SLAMF6: variants seen among roughly 807,000 people sequenced by gnomAD.
SLAMF6 encodes the protein NK-T-B-antigen.
In SLAMF6, 21 loss-of-function variants were observed where a neutral mutation model predicts 38.3. The observed-to-expected ratio is 0.55, with a 90% CI of 0.39 to 0.79. SLAMF6 has a LOEUF of 0.79. SLAMF6 is among the 30% of genes least tolerant of loss of function. The pLI, the probability that SLAMF6 is intolerant of heterozygous loss-of-function variation, is 0.00. For synonymous variants in SLAMF6, 152 were observed against 146.3 expected, an observed-to-expected ratio of 1.04 and a Z score of -0.28; for missense variants, 341 against 385.3, an observed-to-expected ratio of 0.89 and a Z score of 0.96.
intron 1 of SLAMF6, among the ~76,000 whole-genome samples, chr1:160,501,371 T>C (rs918158207): frequency 2.6e-5 from 4 of 152,246 alleles, no homozygotes; most frequent in African/African-American, 9.6e-5. Flanking sequence ...GTATCACTAT[T>C]GCAGTTATAC....
Position 160,517,581 on chromosome 1 carries a change from T to C in SLAMF6, c.49+5563A>G, listed in dbSNP as rs1312877702. Among the ~76,000 whole-genome samples the C allele has an allele frequency of 2.0e-5, 3 of 152,220 alleles. No homozygotes were observed. In the East Asian group the frequency reaches 5.8e-4, roughly 29 times the overall value. ...ATGTTCATTGCAGCACTATTCACAATAGCAAAGGCCTGGAATCAACCAAAA... is the reference window on the plus strand; with the variant it reads ...ATGTTCATTGCAGCACTATTCACAACAGCAAAGGCCTGGAATCAACCAAAA... On this transcript the variant is annotated intron_variant, in intron 1 of 7. Coordinates refer to ENST00000368057, the MANE Select transcript of SLAMF6 (RefSeq NM_001184714.2).
chr1:160,517,567 A>C (rs960225266), intron 1 of SLAMF6, among the ~76,000 whole-genome samples: 1 of 152,222 alleles, frequency 6.6e-6, no homozygotes, highest in African/African-American at 2.4e-5. Context: ...TGTTCATTGC[A>C]GCACTATTCA....
chr1:160,512,299 G>C (rs955852639), intron 1 of SLAMF6, among the ~76,000 whole-genome samples: 3 of 152,112 alleles, frequency 2.0e-5, no homozygotes, highest in Non-Finnish European at 4.4e-5. Context: ...CACTGAATGG[G>C]ACCTCCCTGT....
chr1:160,490,170 A>C (rs1171084941), intron 5 of SLAMF6, 28 bp downstream of exon 5: 1 of 1,612,300 alleles, frequency 6.2e-7, no homozygotes, highest in East Asian at 2.2e-5. Flanking sequence ...CTGCTTTATG[A>C]TGGAGAGTTA....
intron 2 of SLAMF6, among the ~76,000 whole-genome samples, chr1:160,494,710 C>T (rs888515643): frequency 1.8e-4 from 27 of 152,202 alleles, no homozygotes; most frequent in Admixed American, 9.2e-4. Context: ...TGGTGTGATG[C>T]AGCCACAAGC....
Position 160,491,357 on chromosome 1 carries a change from GTGAT to G in SLAMF6, c.410_413del (p.Asn137ThrfsTer8). 1 of 1,613,874 alleles carries G rather than the reference GTGAT, an allele frequency of 6.2e-7. No homozygotes were observed. The highest frequency in any genetic ancestry group is 8.5e-7 in the Non-Finnish European group (1 of 1,179,930). ...AGGTCATATTCTGAAATAGCTGACT[GTGAT>G]TGGTAACTTGTATGTTCCTCAGTTG... On this transcript the variant is annotated frameshift_variant, in exon 3 of 8. Coordinates refer to ENST00000368057, the MANE Select transcript of SLAMF6 (RefSeq NM_001184714.2). LOFTEE classifies it high-confidence loss of function.
In SLAMF6 at chr1:160,489,189, A is replaced by G; in HGVS notation, c.797-19T>C. The G allele has an allele frequency of 1.2e-6, 2 of 1,613,648 alleles. No homozygotes were observed. Among genetic ancestry groups the G allele is most frequent in the Non-Finnish European group, 1.7e-6 (2 of 1,179,646 alleles). ...GACTCTGCTGTTAACATAGGAAGGC[A>G]CAGTCAATGGCACAAGGACTCTGGG... On this transcript the variant is annotated intron_variant, in intron 5 of 7. Transcript: ENST00000368057.
chr1:160,500,707 T>C (rs1229676289), intron 1 of SLAMF6, among the ~76,000 whole-genome samples: 1 of 152,200 alleles, frequency 6.6e-6, no homozygotes, highest in Non-Finnish European at 1.5e-5. Context: ...TCTACTATTG[T>C]GAACATTCTT....
chr1:160,491,509 G>A, intron 2 of SLAMF6, 121 bp from the exon 3 acceptor site: 1 of 1,406,334 alleles, frequency 7.1e-7, no homozygotes, highest in South Asian at 1.4e-5. Context: ...ATGGTCTGTA[G>A]ACTCTGTAAA....
At position 160,487,102 on chromosome 1, in the gene SLAMF6, A is replaced by G. The variant is rs1235063716; in HGVS notation, c.951+2T>C. 1 of 1,608,794 alleles carries G rather than the reference A, an allele frequency of 6.2e-7. No individual in the cohort carries two copies. On this transcript the variant is annotated splice_donor_variant, in intron 7 of 7. Transcript: ENST00000368057. LOFTEE classifies it high-confidence loss of function. ...AAAAACATGGAGCAATCGTGGGCTT[A>G]CCTCTTTGGAATGATTAATTGTGGA... is the stretch of plus-strand genomic sequence containing the variant.
intron 1 of SLAMF6, among the ~76,000 whole-genome samples, chr1:160,511,344 A>T (rs535898766): frequency 6.6e-6 from 1 of 152,200 alleles, no homozygotes; most frequent in Non-Finnish European, 1.5e-5. Flanking sequence ...TAATCAAAAC[A>T]GTGTGGTACT....
At chr1:160,506,259 A>G (rs1654184746) in intron 1 of SLAMF6, among the ~76,000 whole-genome samples, 1 of 152,178 alleles carries the variant, frequency 6.6e-6, no homozygotes, top group African/African-American at 2.4e-5. Context: ...GAGAGTCTCA[A>G]ATGCAACAAG....
chr1:160,506,303 A>G (rs1049080610), intron 1 of SLAMF6, among the ~76,000 whole-genome samples: 1 of 152,190 alleles, frequency 6.6e-6, no homozygotes, highest in Non-Finnish European at 1.5e-5. Context: ...GTCATGCTCA[A>G]TAAAATCAAC....
At chr1:160,499,457 T>C (rs1441407346) in intron 1 of SLAMF6, among the ~76,000 whole-genome samples, 1 of 152,230 alleles carries the variant, frequency 6.6e-6, no homozygotes, top group Non-Finnish European at 1.5e-5. Context: ...TTTTGGTTAC[T>C]ATAGTCTTAT....
intron 1 of SLAMF6, among the ~76,000 whole-genome samples, chr1:160,518,156 A>C (rs1193331459): frequency 6.6e-6 from 1 of 152,172 alleles, no homozygotes; most frequent in East Asian, 1.9e-4. Context: ...CATGGAAAAA[A>C]GCTCAACATC....
At chr1:160,512,218 G>A (rs1654506601) in intron 1 of SLAMF6, among the ~76,000 whole-genome samples, 1 of 152,202 alleles carries the variant, frequency 6.6e-6, no homozygotes, top group Non-Finnish European at 1.5e-5. Context: ...ATTCCCCATG[G>A]TGCAGCACAG....
At chr1:160,522,424 ATC>A (rs950638601) in intron 1 of SLAMF6, among the ~76,000 whole-genome samples, 11 of 152,156 alleles carry the variant, frequency 7.2e-5, no homozygotes, top group Admixed American at 1.3e-4. Context: ...CTCCTGGACT[ATC>A]TCTGCCTGAA....
chr1:160,493,400 T>C (rs1226337612), intron 2 of SLAMF6, among the ~76,000 whole-genome samples: 1 of 152,222 alleles, frequency 6.6e-6, no homozygotes, highest in Non-Finnish European at 1.5e-5. Flanking sequence ...CTCTTGATGC[T>C]TCTTATGCTG....
chr1:160,488,966 C>A, intron 6 of SLAMF6, 122 bp downstream of exon 6: 1 of 847,722 alleles, frequency 1.2e-6, no homozygotes. Flanking sequence ...CAGCCCCTGT[C>A]GCTGTGGCTG....
Sources: allele counts gnomAD v4.1 joint callset (sites outside exome capture counted in the v4.1 genomes callset), GRCh38; gene constraint gnomAD v4.1.1; transcripts MANE v1.5; gene names NCBI Gene and HGNC (gene_info 2026-07-23, HGNC 2026-07-21).